IL1RAPL1: variants seen among roughly 807,000 people sequenced by gnomAD.
IL1RAPL1 encodes the protein interleukin-1 receptor accessory protein-like 1.
IL1RAPL1 carries 3 observed loss-of-function variants against 48.4 expected under a neutral mutation model. The observed-to-expected ratio is 0.06, with a 90% CI of 0.03 to 0.16. The LOEUF (loss-of-function observed/expected upper bound fraction) is 0.16. Among genes scored for constraint, IL1RAPL1 ranks in the 10% least tolerant of loss-of-function variants. IL1RAPL1 has a pLI of 1.00. For missense variants in IL1RAPL1, 349 were observed against 530.6 expected (o/e 0.66, Z 3.36); for synonymous variants, 185 against 187.7 (o/e 0.99, Z 0.12).
At position 29,533,234 on chromosome X, in the gene IL1RAPL1, A is replaced by G. The variant is rs185074110; in HGVS notation, c.703+133926A>G. ...TTAGAAGGTTTTCATCATTACAAAA[A>G]GAAACTCCATTCCCATTAGCTGTCA... On this transcript the variant is annotated intron_variant, in intron 5 of 10. Coordinates refer to ENST00000378993, the MANE Select transcript of IL1RAPL1 (RefSeq NM_014271.4). Among the ~76,000 whole-genome samples the G allele has an allele frequency of 6.2e-5, 7 of 112,074 alleles. No individual in the cohort carries two copies. In the East Asian group the frequency reaches 1.7e-3, roughly 27 times the overall value.
chrX:29,241,845 T>C (rs1192816261), intron 2 of IL1RAPL1, among the ~76,000 whole-genome samples: 2 of 111,730 alleles, frequency 1.8e-5, no homozygotes, highest in African/African-American at 3.3e-5. Context: ...ACATTTTTTT[T>C]CCCCAACTGC....
At chrX:28,758,292 C>G (rs1936127111) in intron 1 of IL1RAPL1, among the ~76,000 whole-genome samples, 1 of 111,154 alleles carries the variant, frequency 9.0e-6, no homozygotes, top group Non-Finnish European at 1.9e-5. Context: ...GTTTCTGAGT[C>G]TAGATAACCA....
intron 1 of IL1RAPL1, among the ~76,000 whole-genome samples, chrX:28,704,415 CACACAA>C (rs1473696016): frequency 3.0e-5 from 2 of 66,066 alleles, no homozygotes; most frequent in Admixed American, 2.0e-4. Context: ...TCATTTAAAA[CACACAA>C]ACACACACAC....
Position 28,956,627 on chromosome X carries a change from G to A in IL1RAPL1, c.82+167202G>A, listed in dbSNP as rs1340055420. The stretch of plus-strand genomic sequence containing the variant: ...GGGATGAAGCCCACTTGATCATGGT[G>A]GATAAGCTTTTTGATGTGCTGCTGG... On this transcript the variant is annotated intron_variant, in intron 2 of 10. Coordinates refer to ENST00000378993, the MANE Select transcript of IL1RAPL1 (RefSeq NM_014271.4). Among the ~76,000 whole-genome samples the A allele has an allele frequency of 2.8e-4, 28 of 101,257 alleles. No homozygotes were observed. In the Admixed American group the frequency reaches 3.0e-3, roughly 11 times the overall value. 87.9% of individuals were successfully genotyped at this position (101,257 alleles called of 115,157 possible).
intron 5 of IL1RAPL1, among the ~76,000 whole-genome samples, chrX:29,446,504 A>G (rs1934614181): frequency 8.9e-6 from 1 of 111,794 alleles, no homozygotes; most frequent in Non-Finnish European, 1.9e-5. Context: ...ATCTAAAAAT[A>G]AAAAGCAATT....
In IL1RAPL1 at chrX:29,484,004, TAAAA is replaced by T. The variant is rs144243686; in HGVS notation, c.703+84714_703+84717del. ...CACTGCACCTGGCCCAGTAGTCCAT[TAAAA>T]AAAAAAAAAAAAAAAAACTCATTGA... is the stretch of plus-strand genomic sequence containing the variant. On this transcript the variant is annotated intron_variant, in intron 5 of 10. Coordinates refer to ENST00000378993, the MANE Select transcript of IL1RAPL1 (RefSeq NM_014271.4). Among the ~76,000 whole-genome samples, 791 of 91,923 alleles carry T rather than the reference TAAAA, an allele frequency of 8.6e-3. 4 individuals carry two copies. The highest frequency in any genetic ancestry group is 0.019 in the African/African-American group (458 of 24,288). 79.8% of individuals were successfully genotyped at this position (91,923 alleles called of 115,157 possible). A position where few individuals can be genotyped will look rare whatever the true frequency, so the allele number is the denominator to read the frequency against.
chrX:29,880,612 C>T (rs982550849), intron 6 of IL1RAPL1, among the ~76,000 whole-genome samples: 1 of 112,016 alleles, frequency 8.9e-6, no homozygotes, highest in Non-Finnish European at 1.9e-5. Flanking sequence ...TAAAAAATTT[C>T]CTCTCTTGGT....
rs752740069 is a variant in IL1RAPL1 at position 29,623,106 on chromosome X, T to TA, written c.704-45306dup. On this transcript the variant is annotated intron_variant, in intron 5 of 10. Transcript: ENST00000378993. ...TAACATGGCGAAACCCTGTCTCCAC[T>TA]AAAAAAAAAAAAAAAAAATGCAAAA... is the stretch of plus-strand genomic sequence containing the variant. 4.6e-3 allele frequency among the ~76,000 whole-genome samples: 359 copies of TA among 78,579 alleles called. 3 individuals carry two copies. Among genetic ancestry groups the TA allele is most frequent in the East Asian group, 0.041 (106 of 2,613 alleles). 68.2% of individuals were successfully genotyped at this position (78,579 alleles called of 115,157 possible).
At chrX:29,474,626 C>T (rs1017589656) in intron 5 of IL1RAPL1, among the ~76,000 whole-genome samples, 1 of 111,709 alleles carries the variant, frequency 9.0e-6, no homozygotes, top group Admixed American at 9.5e-5. Context: ...GCCTGTTTAT[C>T]GCATGGTCAG....
At chrX:29,052,467 T>C (rs1326680525) in intron 2 of IL1RAPL1, among the ~76,000 whole-genome samples, 2 of 111,603 alleles carry the variant, frequency 1.8e-5, no homozygotes, top group East Asian at 5.6e-4. Context: ...ACATTATTAC[T>C]AACTATAGTC....
chrX:29,873,378 G>GCCCC (rs756692604), intron 6 of IL1RAPL1, among the ~76,000 whole-genome samples: 3 of 99,756 alleles, frequency 3.0e-5, no homozygotes, highest in African/African-American at 1.1e-4. Flanking sequence ...GGATGTTTGT[G>GCCCC]CCCCCCCCCC....
Position 29,582,439 on chromosome X carries a change from T to A in IL1RAPL1, c.704-85991T>A, listed in dbSNP as rs1417440488. Among the ~76,000 whole-genome samples the A allele has an allele frequency of 2.1e-4, 20 of 97,203 alleles. 1 individual carries two copies. Among genetic ancestry groups the A allele is most frequent in the African/African-American group, 7.9e-4 (20 of 25,312 alleles). The allele number at this position is 97,203 out of a possible 115,157, so 84.4% of individuals were successfully genotyped here. A position where few individuals can be genotyped will look rare whatever the true frequency, so the allele number is the denominator to read the frequency against. Reference sequence around the variant, plus strand: ...TTAAGTTTTAGGGTACATGTGCACATTGTGCAGGTTAGTTACATATGTATA... The same window carrying A: ...TTAAGTTTTAGGGTACATGTGCACAATGTGCAGGTTAGTTACATATGTATA... On this transcript the variant is annotated intron_variant, in intron 5 of 10. Coordinates refer to ENST00000378993, the MANE Select transcript of IL1RAPL1 (RefSeq NM_014271.4).
At chrX:29,335,290 AGAGG>A (rs1932975380) in intron 3 of IL1RAPL1, among the ~76,000 whole-genome samples, 1 of 1,806 alleles carries the variant, frequency 5.5e-4, no homozygotes, top group Non-Finnish European at 0.015. Context: ...GGGAGAGGGG[AGAGG>A]GGAGAGGGGA....
At chrX:28,959,080 T>C (rs1924695608) in intron 2 of IL1RAPL1, among the ~76,000 whole-genome samples, 1 of 111,583 alleles carries the variant, frequency 9.0e-6, no homozygotes, top group Admixed American at 9.6e-5. Flanking sequence ...AAATGTAACA[T>C]CATTTTTGAA....
chrX:29,660,820 A>G (rs1437835566), intron 5 of IL1RAPL1, among the ~76,000 whole-genome samples: 1 of 111,823 alleles, frequency 8.9e-6, no homozygotes, highest in Non-Finnish European at 1.9e-5. Flanking sequence ...CTTGGGCTCT[A>G]TTTCGTTCCA....
intron 5 of IL1RAPL1, among the ~76,000 whole-genome samples, chrX:29,643,280 T>A: frequency 8.9e-6 from 1 of 111,775 alleles, no homozygotes; most frequent in Non-Finnish European, 1.9e-5. Flanking sequence ...GTTCTTCTAA[T>A]GGGGCCTGGA....
chrX:29,252,242 G>C (rs960853247), intron 2 of IL1RAPL1, among the ~76,000 whole-genome samples: 18 of 109,683 alleles, frequency 1.6e-4, no homozygotes, highest in Non-Finnish European at 2.5e-4. Context: ...TTGTGCACAT[G>C]TACCCTAAAA....
At chrX:29,919,610 A>T (rs2147239599) in intron 7 of IL1RAPL1, among the ~76,000 whole-genome samples, 1 of 112,549 alleles carries the variant, frequency 8.9e-6, no homozygotes, top group South Asian at 3.6e-4. Context: ...AGACATTAGA[A>T]TTTTTATCTC....
intron 2 of IL1RAPL1, among the ~76,000 whole-genome samples, chrX:29,061,135 T>C (rs1927331430): frequency 1.8e-5 from 2 of 111,636 alleles, no homozygotes; most frequent in Middle Eastern, 9.5e-3. Flanking sequence ...ATCATATTTT[T>C]AATATTAGAA....
Sources: allele counts gnomAD v4.1 joint callset (sites outside exome capture counted in the v4.1 genomes callset), GRCh38; gene constraint gnomAD v4.1.1; transcripts MANE v1.5; gene names NCBI Gene and HGNC (gene_info 2026-07-23, HGNC 2026-07-21).